Variants in ASPRV1 observed in about 807,000 individuals in gnomAD.
ASPRV1 encodes the protein aspartic peptidase retroviral like 1, also known as retroviral-like aspartic protease 1.
Under a neutral mutation model 11.0 loss-of-function variants are expected in ASPRV1, and 7 were observed. The observed-to-expected ratio is 0.64, with a 90% confidence interval of 0.36 to 1.20. The LOEUF is 1.20. Among genes scored for constraint, ASPRV1 ranks in the 50% most tolerant of loss-of-function variants. The pLI, the probability that ASPRV1 is intolerant of heterozygous loss-of-function variation, is 0.02. For synonymous variants in ASPRV1, 136 were observed against 138.4 expected (o/e 0.98, Z 0.12); for missense variants, 299 against 320.0 (o/e 0.93, Z 0.50).
At chr2:69,948,636 A>G in the ASPRV1 span, among the ~76,000 whole-genome samples, 1 of 152,098 alleles carries the variant, frequency 6.6e-6, no homozygotes, top group African/African-American at 2.4e-5. Flanking sequence ...CTCGCCCTGG[A>G]GGAAAGGGGG....
At chr2:70,065,819 C>CAAAAAAAAAA in the ASPRV1 span, among the ~76,000 whole-genome samples, 37 of 67,434 alleles carry the variant, frequency 5.5e-4, no homozygotes, top group East Asian at 1.5e-3. Context: ...GCTTTTGACT[C>CAAAAAAAAAA]AAAAAAAAAA....
chr2:70,054,962 A>T, the ASPRV1 span, among the ~76,000 whole-genome samples: 1 of 152,194 alleles, frequency 6.6e-6, no homozygotes, highest in African/African-American at 2.4e-5. Context: ...CAATGTTTAT[A>T]CCCAGCTTTT....
At chr2:70,052,331 T>C in the ASPRV1 span, among the ~76,000 whole-genome samples, 2 of 152,210 alleles carry the variant, frequency 1.3e-5, no homozygotes, top group Admixed American at 6.5e-5. Flanking sequence ...TTATTCTGTA[T>C]TTATTGACAT....
chr2:69,974,491 G>T, the ASPRV1 span, among the ~76,000 whole-genome samples: 1 of 152,262 alleles, frequency 6.6e-6, no homozygotes, highest in South Asian at 2.1e-4. Context: ...AATTCCTGAA[G>T]ATTTAACAAT....
the ASPRV1 span, among the ~76,000 whole-genome samples, chr2:69,952,750 T>C: frequency 6.6e-6 from 1 of 151,766 alleles, no homozygotes; most frequent in Non-Finnish European, 1.5e-5. Context: ...CTTTACTCAC[T>C]AGATGCCAAT....
chr2:70,024,613 CCCT>C, the ASPRV1 span, among the ~76,000 whole-genome samples: 1 of 152,272 alleles, frequency 6.6e-6, no homozygotes, highest in Middle Eastern at 3.4e-3. Context: ...CTTCCTCCTT[CCCT>C]CCTCTCCTCA....
the ASPRV1 span, among the ~76,000 whole-genome samples, chr2:70,073,622 G>T: frequency 6.6e-6 from 1 of 152,170 alleles, no homozygotes. Flanking sequence ...AAAAGGAAAG[G>T]TGGAGATGGG....
At chr2:70,021,566 C>T in the ASPRV1 span, among the ~76,000 whole-genome samples, 46 of 152,090 alleles carry the variant, frequency 3.0e-4, 1 homozygote, top group Non-Finnish European at 5.9e-5. Context: ...GATCTGCCCA[C>T]CTCGGCCTCC....
the ASPRV1 span, among the ~76,000 whole-genome samples, chr2:70,042,715 G>C: frequency 6.6e-6 from 1 of 152,128 alleles, no homozygotes; most frequent in Non-Finnish European, 1.5e-5. Flanking sequence ...GGGGTTGAGG[G>C]GAGAGGAAAC....
At chr2:70,035,870 A>T in the ASPRV1 span, among the ~76,000 whole-genome samples, 7 of 147,480 alleles carry the variant, frequency 4.7e-5, no homozygotes, top group Non-Finnish European at 6.0e-5. Flanking sequence ...ACTTCACAAA[A>T]TTTTTTTTTT....
At chr2:70,019,876 A>G in the ASPRV1 span, among the ~76,000 whole-genome samples, 2 of 152,218 alleles carry the variant, frequency 1.3e-5, no homozygotes, top group Non-Finnish European at 2.9e-5. Flanking sequence ...AATATATTGT[A>G]TATTTGAAAA....
chr2:70,057,592 C>T, the ASPRV1 span, among the ~76,000 whole-genome samples: 1 of 151,898 alleles, frequency 6.6e-6, no homozygotes, highest in Admixed American at 6.6e-5. Flanking sequence ...AATTCTCTTG[C>T]TTCAGCCTCC....
At chr2:70,074,437 C>T in the ASPRV1 span, among the ~76,000 whole-genome samples, 10 of 151,298 alleles carry the variant, frequency 6.6e-5, no homozygotes, top group Admixed American at 2.0e-4. Flanking sequence ...TACAGGCACA[C>T]ACCACCACAC....
At chr2:70,039,843 A>C in the ASPRV1 span, among the ~76,000 whole-genome samples, 1 of 152,196 alleles carries the variant, frequency 6.6e-6, no homozygotes, top group African/African-American at 2.4e-5. Context: ...ACCACATCCT[A>C]AACATCTTAC....
chr2:70,062,703 G>A, the ASPRV1 span, among the ~76,000 whole-genome samples: 1 of 152,084 alleles, frequency 6.6e-6, no homozygotes, highest in African/African-American at 2.4e-5. Flanking sequence ...GAAGCAGAAG[G>A]GTCATTTGAG....
chr2:70,018,339 C>T, the ASPRV1 span, among the ~76,000 whole-genome samples: 1 of 151,716 alleles, frequency 6.6e-6, no homozygotes, highest in Non-Finnish European at 1.5e-5. Flanking sequence ...TATTAAAATG[C>T]TCATACTACC....
the ASPRV1 span, among the ~76,000 whole-genome samples, chr2:70,025,285 T>C: frequency 7.2e-5 from 11 of 152,122 alleles, no homozygotes; most frequent in East Asian, 1.7e-3. Context: ...GAGCAGGAGA[T>C]GGAGGCTCAT....
chr2:70,007,584 AAT>A, the ASPRV1 span, among the ~76,000 whole-genome samples: 6 of 151,660 alleles, frequency 4.0e-5, no homozygotes, highest in East Asian at 3.9e-4. Context: ...AATAAATATG[AAT>A]ATATATATAA....
the ASPRV1 span, among the ~76,000 whole-genome samples, chr2:70,081,946 C>T: frequency 4.6e-5 from 7 of 151,168 alleles, no homozygotes; most frequent in South Asian, 1.5e-3. Flanking sequence ...AAAGAAACCA[C>T]TTAAAAAAAA....
Sources: gnomAD v4.1 joint callset for allele counts (sites outside exome capture counted in the v4.1 genomes callset) on GRCh38, gnomAD v4.1.1 for gene constraint, MANE v1.5 for transcripts, NCBI Gene and HGNC (gene_info 2026-07-23, HGNC 2026-07-21) for gene names.